Variants in KCNT1 observed in about 807,000 individuals in gnomAD.
The protein encoded by KCNT1 is potassium channel subfamily T member 1.
In KCNT1, 78 loss-of-function variants were observed where a neutral mutation model predicts 147.8. The ratio of observed to expected loss-of-function variants is 0.53; its 90% CI spans 0.44 to 0.64. The LOEUF (loss-of-function observed/expected upper bound fraction) is 0.64, where lower values mean the gene tolerates loss of function less well. KCNT1 is among the 30% of genes least tolerant of loss of function. The probability of loss-of-function intolerance (pLI) is 0.00; values close to 1 mark genes in which losing one functional copy is unlikely to be tolerated. For missense variants in KCNT1, 1,419 were observed against 1,750.3 expected, an observed-to-expected ratio of 0.81 and a Z score of 3.38; for synonymous variants, 867 against 748.8, an observed-to-expected ratio of 1.16 and a Z score of -2.58.
chr9:135,724,670 C>T (rs190862339), intron 2 of KCNT1, among the ~76,000 whole-genome samples: 101 of 152,358 alleles, frequency 6.6e-4, no homozygotes, highest in South Asian at 1.5e-3. Context: ...TATCCAATAT[C>T]GGGGACGTGC....
In KCNT1 at chr9:135,753,983, G is replaced by A. The variant is rs770108075; in HGVS notation, c.481G>A (p.Glu161Lys). ...CTACTCCTTCAATGACTCGTCCTCC[G>A]AGATCAACTGGTGAGTCCACACTCC... is the stretch of plus-strand genomic sequence containing the variant. ...QNYSFNDSSS[E>K]INWAPILWVE... The change falls in exon 5 of 31, where the codon GAG (glutamate) becomes AAG (lysine). Residue 161 changes from glutamate to lysine, a missense_variant. Glu to Lys is a moderately conservative substitution (Grantham distance 56). Coordinates refer to ENST00000371757, the MANE Select transcript of KCNT1 (RefSeq NM_020822.3). The A allele has an allele frequency of 8.1e-6, 13 of 1,613,956 alleles. No homozygotes were observed. The highest frequency in any genetic ancestry group is 5.3e-5 in the African/African-American group (4 of 74,928).
chr9:135,751,114 A>T, intron 4 of KCNT1, 73 bp downstream of exon 4: 1 of 1,384,422 alleles, frequency 7.2e-7, no homozygotes, highest in Non-Finnish European at 1.0e-6. Flanking sequence ...CCGTTACAGA[A>T]GCTGATGGCG....
chr9:135,709,682 G>A (rs1835409226), intron 1 of KCNT1, among the ~76,000 whole-genome samples: 1 of 152,058 alleles, frequency 6.6e-6, no homozygotes, highest in Admixed American at 6.6e-5. Flanking sequence ...TCCATCCTTT[G>A]AGTCGTTTTC....
chr9:135,749,243 A>G (rs887765750), intron 2 of KCNT1, among the ~76,000 whole-genome samples: 4 of 151,214 alleles, frequency 2.6e-5, no homozygotes, highest in African/African-American at 9.7e-5. Context: ...GCTCCATCCT[A>G]CTCTTGGTGG....
intron 24 of KCNT1, among the ~76,000 whole-genome samples, chr9:135,782,585 C>CT (rs752806772): frequency 6.6e-5 from 10 of 152,238 alleles, no homozygotes; most frequent in Non-Finnish European, 1.2e-4. Flanking sequence ...ATGGCACCCG[C>CT]TCAGCCCCTG....
chr9:135,736,460 G>C (rs925625818), intron 2 of KCNT1: 1 of 152,162 alleles, frequency 6.6e-6, no homozygotes, highest in Admixed American at 6.5e-5. Context: ...GCGTCCTGGC[G>C]GTGGTTTGAG....
intron 12 of KCNT1, 49 bp from the exon 13 acceptor site, chr9:135,765,575 G>A (rs115401402): frequency 6.4e-7 from 1 of 1,574,306 alleles, no homozygotes; most frequent in South Asian, 1.1e-5. Context: ...GGCCGCCCGG[G>A]CGGGGCAGGG....
At chr9:135,765,498 CAGAT>C (rs1832203083) in intron 12 of KCNT1, 122 bp from the exon 13 acceptor site, 2 of 1,109,974 alleles carry the variant, frequency 1.8e-6, no homozygotes, top group East Asian at 5.2e-5. Flanking sequence ...TCCCTCCCAC[CAGAT>C]GCAAGATCAC....
At chr9:135,713,971 C>T (rs1835611445) in intron 1 of KCNT1, among the ~76,000 whole-genome samples, 1 of 152,168 alleles carries the variant, frequency 6.6e-6, no homozygotes, top group South Asian at 2.1e-4. Flanking sequence ...GAGGGCCTGG[C>T]AGCCCCCCGG....
Position 135,770,344 on chromosome 9 carries a change from T to C in KCNT1, c.1666T>C (p.Cys556Arg). 6.2e-7 allele frequency: 1 copy of C among 1,612,650 alleles called. No homozygotes were observed. The change falls in exon 17 of 31, where the codon TGC becomes CGC. Residue 556 changes from cysteine to arginine, a missense_variant. Physicochemically the swap from Cys to Arg is radical, Grantham distance 180. Coordinates refer to ENST00000371757, the MANE Select transcript of KCNT1 (RefSeq NM_020822.3). ...PEQWQRMYGRCSGNEVYHIRM... is the reference protein window; with the variant it reads ...PEQWQRMYGRRSGNEVYHIRM... ...GCAGTGGCAGCGCATGTATGGGCGCTGCTCCGGCAACGAGGTGTACCACAT... is the reference window on the plus strand; with the variant it reads ...GCAGTGGCAGCGCATGTATGGGCGCCGCTCCGGCAACGAGGTGTACCACAT...
At chr9:135,708,233 T>C (rs552865064) in intron 1 of KCNT1, among the ~76,000 whole-genome samples, 3 of 152,276 alleles carry the variant, frequency 2.0e-5, no homozygotes, top group South Asian at 2.1e-4. Context: ...TGCACACATA[T>C]GTCCACATGT....
At position 135,785,305 on chromosome 9, in the gene KCNT1, T is replaced by A; in HGVS notation, c.3157-5T>A. The A allele has an allele frequency of 6.2e-7, 1 of 1,612,950 alleles. No individual in the cohort carries two copies. On this transcript the variant is annotated splice_polypyrimidine_tract_variant and splice_region_variant and intron_variant, in intron 27 of 30. Transcript: ENST00000371757. ...GGTCCCAGACTGCGCCTGTTTCCTT[T>A]GCAGCCCCACGACCTCAGAGCCCAG...
At chr9:135,745,081 C>T (rs1830755592) in intron 2 of KCNT1, among the ~76,000 whole-genome samples, 1 of 152,238 alleles carries the variant, frequency 6.6e-6, no homozygotes, top group Non-Finnish European at 1.5e-5. Flanking sequence ...CGGGTGTGGA[C>T]TCTGGGAATG....
chr9:135,759,066 C>T (rs575436609), intron 10 of KCNT1, among the ~76,000 whole-genome samples: 11 of 152,316 alleles, frequency 7.2e-5, no homozygotes, highest in East Asian at 3.9e-4. Flanking sequence ...CTGCGTTTCC[C>T]GCCTCCCTTC....
intron 1 of KCNT1, among the ~76,000 whole-genome samples, chr9:135,709,404 G>T (rs1339709709): frequency 6.6e-6 from 1 of 152,166 alleles, no homozygotes; most frequent in Non-Finnish European, 1.5e-5. Flanking sequence ...GAAAATCCAT[G>T]CCTGGGCCTC....
chr9:135,763,641 C>T (rs1244608397), intron 11 of KCNT1, among the ~76,000 whole-genome samples: 1 of 152,166 alleles, frequency 6.6e-6, no homozygotes, highest in East Asian at 1.9e-4. Context: ...AAACCTCAGC[C>T]TCTGCCCCGT....
At chr9:135,711,000 C>T (rs1377840317) in intron 1 of KCNT1, among the ~76,000 whole-genome samples, 1 of 152,162 alleles carries the variant, frequency 6.6e-6, no homozygotes, top group Non-Finnish European at 1.5e-5. Flanking sequence ...TGCTCCTGCT[C>T]TCCATGGTGC....
At chr9:135,748,044 C>T (rs561393770) in intron 2 of KCNT1, among the ~76,000 whole-genome samples, 8 of 152,282 alleles carry the variant, frequency 5.3e-5, no homozygotes, top group South Asian at 4.2e-4. Context: ...TAAGTTCAAA[C>T]GATTCTCCTG....
chr9:135,777,580 A>G (rs1833259374), intron 21 of KCNT1, 70 bp downstream of exon 21: 12 of 1,427,060 alleles, frequency 8.4e-6, no homozygotes, highest in East Asian at 7.6e-5. Flanking sequence ...AGCCTCCCCA[A>G]CTGGGCCCAC....
Sources: gnomAD v4.1 joint callset for allele counts (sites outside exome capture counted in the v4.1 genomes callset) on GRCh38, gnomAD v4.1.1 for gene constraint, MANE v1.5 for transcripts, NCBI Gene and HGNC (gene_info 2026-07-23, HGNC 2026-07-21) for gene names.